Variants in CPA6 observed in about 807,000 individuals in gnomAD.
CPA6 encodes the protein carboxypeptidase A6.
CPA6 carries 58 observed loss-of-function variants against 63.3 expected under a neutral mutation model. That is an observed-to-expected ratio of 0.92 (90% CI 0.74 to 1.14). CPA6 has a LOEUF of 1.14. CPA6 is among the 50% of genes most tolerant of loss of function. CPA6 has a pLI of 0.00. For missense variants in CPA6, 565 were observed against 526.6 expected, an observed-to-expected ratio of 1.07 and a Z score of -0.71; for synonymous variants, 185 against 179.0, an observed-to-expected ratio of 1.03 and a Z score of -0.27.
At chr8:67,441,934 T>C (rs1311594237) in intron 8 of CPA6, among the ~76,000 whole-genome samples, 2 of 152,108 alleles carry the variant, frequency 1.3e-5, no homozygotes, top group East Asian at 3.8e-4. Context: ...ATAACTAAAT[T>C]TTTTCACAAG....
intron 8 of CPA6, among the ~76,000 whole-genome samples, chr8:67,473,794 T>C (rs1163787270): frequency 6.6e-6 from 1 of 152,016 alleles, no homozygotes; most frequent in Non-Finnish European, 1.5e-5. Context: ...TTTGTAGAGA[T>C]GGGGTTTCAC....
chr8:67,704,086 C>T (rs994064136), intron 1 of CPA6, among the ~76,000 whole-genome samples: 1 of 152,162 alleles, frequency 6.6e-6, no homozygotes, highest in African/African-American at 2.4e-5. Flanking sequence ...TAAACATTGC[C>T]CTCTCAAATC....
intron 1 of CPA6, among the ~76,000 whole-genome samples, chr8:67,717,239 G>A (rs998252126): frequency 3.3e-5 from 5 of 152,204 alleles, no homozygotes; most frequent in Admixed American, 2.6e-4. Flanking sequence ...CCTGAAGTGT[G>A]TTTTCAATCC....
At chr8:67,601,753 T>C (rs1201092988) in intron 2 of CPA6, among the ~76,000 whole-genome samples, 1 of 152,182 alleles carries the variant, frequency 6.6e-6, no homozygotes, top group Non-Finnish European at 1.5e-5. Flanking sequence ...AGTAGCGAAA[T>C]AGGAATTTTC....
At chr8:67,707,847 G>T (rs565544285) in intron 1 of CPA6, among the ~76,000 whole-genome samples, 1 of 151,430 alleles carries the variant, frequency 6.6e-6, no homozygotes. Flanking sequence ...CTGGGAGGAA[G>T]CAGTGGCAGT....
At chr8:67,559,235 T>A (rs1026455378) in intron 2 of CPA6, among the ~76,000 whole-genome samples, 1 of 152,234 alleles carries the variant, frequency 6.6e-6, no homozygotes. Flanking sequence ...TTTTTATATA[T>A]GTGACCTCAT....
intron 1 of CPA6, among the ~76,000 whole-genome samples, chr8:67,682,706 A>G (rs1038738123): frequency 6.6e-6 from 1 of 152,184 alleles, no homozygotes; most frequent in African/African-American, 2.4e-5. Flanking sequence ...AAAGCTTTCC[A>G]GGATTTATTA....
At chr8:67,706,597 T>G (rs1817140765) in intron 1 of CPA6, among the ~76,000 whole-genome samples, 1 of 152,174 alleles carries the variant, frequency 6.6e-6, no homozygotes, top group Admixed American at 6.5e-5. Flanking sequence ...AAAAATTAAT[T>G]TGTAAAACAA....
chr8:67,647,335 CT>C (rs74274955), intron 1 of CPA6, among the ~76,000 whole-genome samples: 7,571 of 144,860 alleles, frequency 0.052, 261 homozygotes, highest in Non-Finnish European at 0.084. Context: ...ATAGGATAAT[CT>C]TTTTTTTTTT....
At chr8:67,634,108 C>A (rs373429994) in intron 1 of CPA6, among the ~76,000 whole-genome samples, 5 of 147,842 alleles carry the variant, frequency 3.4e-5, no homozygotes, top group South Asian at 2.1e-4. Context: ...TTTCCTAATC[C>A]ACTAGTGTTA....
intron 6 of CPA6, among the ~76,000 whole-genome samples, chr8:67,495,069 C>T (rs892038671): frequency 2.0e-5 from 3 of 152,194 alleles, no homozygotes; most frequent in Non-Finnish European, 4.4e-5. Context: ...AGGGCCTGGC[C>T]TAGTGCATAG....
At chr8:67,678,519 A>G (rs1587694855) in intron 1 of CPA6, among the ~76,000 whole-genome samples, 1 of 152,366 alleles carries the variant, frequency 6.6e-6, no homozygotes, top group African/African-American at 2.4e-5. Flanking sequence ...TAAACATAAC[A>G]AAATGGCACA....
chr8:67,735,921 C>T (rs530342688), intron 1 of CPA6, among the ~76,000 whole-genome samples: 3 of 152,262 alleles, frequency 2.0e-5, no homozygotes, highest in South Asian at 2.1e-4. Flanking sequence ...TCCAGGGGCA[C>T]ATTGCAGGTA....
At chr8:67,725,619 C>A (rs1817582841) in intron 1 of CPA6, among the ~76,000 whole-genome samples, 1 of 152,124 alleles carries the variant, frequency 6.6e-6, no homozygotes, top group Admixed American at 6.6e-5. Flanking sequence ...CTCGTGGGTT[C>A]AAGAGATCCT....
chr8:67,540,972 C>G (rs1381007479), intron 2 of CPA6, among the ~76,000 whole-genome samples: 1 of 152,208 alleles, frequency 6.6e-6, no homozygotes, highest in Non-Finnish European at 1.5e-5. Context: ...AGCTAGACCA[C>G]TTGGCTCCCT....
At chr8:67,499,562 G>A (rs1047204313) in intron 6 of CPA6, among the ~76,000 whole-genome samples, 1 of 152,018 alleles carries the variant, frequency 6.6e-6, no homozygotes, top group Non-Finnish European at 1.5e-5. Context: ...TTAGGGTATT[G>A]GCATCGATAT....
chr8:67,631,702 G>T (rs1485795626), intron 1 of CPA6, among the ~76,000 whole-genome samples: 1 of 152,196 alleles, frequency 6.6e-6, no homozygotes, highest in Non-Finnish European at 1.5e-5. Context: ...TTTATTGTTT[G>T]CAATAACACT....
chr8:67,448,656 G>GAAAAAAAAAAAAAAAAAA (rs1810485855), intron 8 of CPA6, among the ~76,000 whole-genome samples: 3 of 68,786 alleles, frequency 4.4e-5, no homozygotes, highest in African/African-American at 1.8e-4. Flanking sequence ...AAAAAAAAAG[G>GAAAAAAAAAAAAAAAAAA]AAAGAACGAA....
chr8:67,562,451 G>C (rs1027969829), intron 2 of CPA6, among the ~76,000 whole-genome samples: 2 of 152,110 alleles, frequency 1.3e-5, no homozygotes, highest in Non-Finnish European at 2.9e-5. Context: ...AAGCCCTCCT[G>C]GTGGCTGTTG....
Sources: allele counts gnomAD v4.1 joint callset (sites outside exome capture counted in the v4.1 genomes callset), GRCh38; gene constraint gnomAD v4.1.1; transcripts MANE v1.5; gene names NCBI Gene and HGNC (gene_info 2026-07-23, HGNC 2026-07-21).